Variants in FTO observed in about 807,000 individuals in gnomAD.
FTO encodes the protein alpha-ketoglutarate-dependent dioxygenase FTO.
A neutral mutation model predicts 63.9 loss-of-function variants in FTO; 47 were observed. The ratio of observed to expected loss-of-function variants is 0.74; its 90% CI spans 0.58 to 0.94. The LOEUF (loss-of-function observed/expected upper bound fraction) is 0.94. Ranked by LOEUF, FTO falls within the 40% of genes least tolerant of loss-of-function variation. The pLI is 0.00. For synonymous variants in FTO, 207 were observed against 224.4 expected, an observed-to-expected ratio of 0.92 and a Z score of 0.69; for missense variants, 562 against 618.1, an observed-to-expected ratio of 0.91 and a Z score of 0.96.
intron 1 of FTO, among the ~76,000 whole-genome samples, chr16:53,793,997 A>T (rs1232014495): frequency 1.3e-5 from 2 of 152,250 alleles, no homozygotes; most frequent in Admixed American, 1.3e-4. Flanking sequence ...ACTAACAATC[A>T]AATAAATGTA....
At chr16:54,067,421 C>T (rs1358413593) in intron 8 of FTO, among the ~76,000 whole-genome samples, 2 of 152,098 alleles carry the variant, frequency 1.3e-5, no homozygotes, top group South Asian at 2.1e-4. Flanking sequence ...TTAATTATAG[C>T]GATTTCCTAA....
At chr16:53,925,439 C>T (rs1744304016) in intron 7 of FTO, among the ~76,000 whole-genome samples, 1 of 151,718 alleles carries the variant, frequency 6.6e-6, no homozygotes, top group African/African-American at 2.4e-5. Context: ...TGTTTAAATG[C>T]CTTTTGAAAT....
rs1371889984 is a variant in FTO, at chr16:54,025,387, C to T, written c.1365-86375C>T. Among the ~76,000 whole-genome samples, 4 of 152,292 alleles carry T rather than the reference C, an allele frequency of 2.6e-5. No individual in the cohort carries two copies. In the East Asian group the frequency reaches 5.8e-4, roughly 22 times the overall value. Reference sequence around the variant, plus strand: ...TAGACACCTTGAAGTATTTGGGTCACCCAGTAACCACTGCCTATGACATTT... The same window carrying T: ...TAGACACCTTGAAGTATTTGGGTCATCCAGTAACCACTGCCTATGACATTT... On this transcript the variant is annotated intron_variant, in intron 8 of 8. Coordinates refer to ENST00000471389, the MANE Select transcript of FTO (RefSeq NM_001080432.3).
intron 8 of FTO, among the ~76,000 whole-genome samples, chr16:54,025,738 C>T (rs1219699877): frequency 1.4e-5 from 2 of 147,012 alleles, no homozygotes; most frequent in South Asian, 2.2e-4. Flanking sequence ...GGTGGCTGGG[C>T]GCGGTGGCTC....
rs1269854626 is a variant in FTO, at chr16:54,119,955, C to G, written c.*8040C>G. The G allele has an allele frequency of 6.6e-6, 1 of 152,212 alleles. No homozygotes were observed. Among genetic ancestry groups the G allele is most frequent in the East Asian group, 1.9e-4 (1 of 5,194 alleles). The allele number at this position is 152,212 out of a possible 1,614,324, so 9.4% of individuals were successfully genotyped here. On this transcript the variant is annotated 3_prime_UTR_variant, in exon 9 of 9. Coordinates refer to ENST00000471389, the MANE Select transcript of FTO (RefSeq NM_001080432.3). ...AGAGATGCAGACCCTGTTCGATTTC[C>G]CAAGATTTAGACTGGGTCGGGTTGT...
chr16:53,997,719 A>G (rs1430020355), intron 8 of FTO, among the ~76,000 whole-genome samples: 1 of 151,854 alleles, frequency 6.6e-6, no homozygotes, highest in Non-Finnish European at 1.5e-5. Context: ...TTTTTTTAGG[A>G]AAAAGCTGCT....
chr16:53,899,091 C>T (rs1218194985), intron 7 of FTO, among the ~76,000 whole-genome samples: 1 of 152,138 alleles, frequency 6.6e-6, no homozygotes, highest in African/African-American at 2.4e-5. Flanking sequence ...CACAATAATA[C>T]CCCAAAACGT....
chr16:53,954,075 A>G (rs2143554951), intron 8 of FTO, among the ~76,000 whole-genome samples: 1 of 152,324 alleles, frequency 6.6e-6, no homozygotes, highest in Admixed American at 6.5e-5. Context: ...AGTTGGCCCT[A>G]ATGCTTGGCA....
chr16:53,776,858 T>A (rs1003266091), intron 1 of FTO, among the ~76,000 whole-genome samples: 11 of 152,168 alleles, frequency 7.2e-5, no homozygotes, highest in South Asian at 2.1e-4. Context: ...TTTAATTGCT[T>A]CTTCAGCTAT....
chr16:54,108,043 C>T (rs531674814), intron 8 of FTO, among the ~76,000 whole-genome samples: 5 of 152,260 alleles, frequency 3.3e-5, no homozygotes, highest in African/African-American at 1.2e-4. Context: ...TGGAGCTAGT[C>T]CCACCCACAT....
At chr16:54,106,908 C>T (rs889512180) in intron 8 of FTO, among the ~76,000 whole-genome samples, 13 of 137,116 alleles carry the variant, frequency 9.5e-5, no homozygotes, top group African/African-American at 2.1e-4. Flanking sequence ...ATATAATACA[C>T]GATATATAAT....
chr16:53,948,319 A>C (rs1348196907), intron 8 of FTO, among the ~76,000 whole-genome samples: 1 of 152,184 alleles, frequency 6.6e-6, no homozygotes, highest in Non-Finnish European at 1.5e-5. Flanking sequence ...AGAGTTGGAT[A>C]TTTGTGAGTT....
intron 8 of FTO, among the ~76,000 whole-genome samples, chr16:54,006,464 C>T (rs565843695): frequency 3.9e-5 from 6 of 152,202 alleles, no homozygotes; most frequent in South Asian, 2.1e-4. Flanking sequence ...GACTCAGTAA[C>T]GTAAAATGTG....
At chr16:53,757,584 T>C (rs1261736955) in intron 1 of FTO, among the ~76,000 whole-genome samples, 1 of 151,852 alleles carries the variant, frequency 6.6e-6, no homozygotes, top group Non-Finnish European at 1.5e-5. Flanking sequence ...ATATATAATA[T>C]GTGCATATAT....
intron 8 of FTO, among the ~76,000 whole-genome samples, chr16:54,065,413 C>T (rs552678517): frequency 3.7e-4 from 57 of 152,208 alleles, no homozygotes; most frequent in African/African-American, 1.4e-3. Context: ...TTCCACTCAC[C>T]TTGGCCTCCC....
intron 8 of FTO, among the ~76,000 whole-genome samples, chr16:54,048,641 A>G (rs1188127767): frequency 6.6e-6 from 1 of 152,226 alleles, no homozygotes; most frequent in Non-Finnish European, 1.5e-5. Context: ...CCACGTCATT[A>G]ATAACTCTGG....
intron 1 of FTO, among the ~76,000 whole-genome samples, chr16:53,709,802 C>T (rs1272075189): frequency 6.6e-6 from 1 of 152,094 alleles, no homozygotes; most frequent in Non-Finnish European, 1.5e-5. Flanking sequence ...TGAACCATTG[C>T]AGAGTAAGTC....
intron 4 of FTO, among the ~76,000 whole-genome samples, chr16:53,863,320 T>C (rs539446473): frequency 3.3e-5 from 5 of 152,238 alleles, no homozygotes; most frequent in African/African-American, 4.8e-5. Context: ...TTTATCCTCA[T>C]AGAAAGTAGA....
intron 8 of FTO, chr16:54,040,874 CA>C (rs1202534719): frequency 6.6e-6 from 1 of 152,078 alleles, no homozygotes; most frequent in African/African-American, 2.4e-5. Context: ...AAGCCATCAA[CA>C]AAGGAAAAAT....
Sources: gnomAD v4.1 joint callset for allele counts (sites outside exome capture counted in the v4.1 genomes callset) on GRCh38, gnomAD v4.1.1 for gene constraint, MANE v1.5 for transcripts, NCBI Gene and HGNC (gene_info 2026-07-23, HGNC 2026-07-21) for gene names.